Variants in OCA2 observed in about 807,000 individuals in gnomAD.
OCA2 encodes OCA2 melanosomal transmembrane protein, also known as P protein.
In OCA2, 77 loss-of-function variants were observed where a neutral mutation model predicts 100.2. The ratio of observed to expected loss-of-function variants is 0.77; its 90% CI spans 0.64 to 0.93. OCA2 has a LOEUF of 0.93. Among genes scored for constraint, OCA2 ranks in the 40% least tolerant of loss-of-function variants. OCA2 has a pLI of 0.00. For synonymous variants in OCA2, 432 were observed against 439.2 expected, an observed-to-expected ratio of 0.98 and a Z score of 0.21; for missense variants, 1,062 against 1,089.1, an observed-to-expected ratio of 0.98 and a Z score of 0.35.
chr15:27,857,613 T>C (rs1426960754), intron 21 of OCA2, among the ~76,000 whole-genome samples: 1 of 151,450 alleles, frequency 6.6e-6, no homozygotes, highest in East Asian at 1.9e-4. Context: ...ATTTAAAATG[T>C]CAAAAAAAGA....
At chr15:27,745,632 T>A in the OCA2 span, among the ~76,000 whole-genome samples, 5 of 152,238 alleles carry the variant, frequency 3.3e-5, no homozygotes, top group Non-Finnish European at 7.3e-5. Flanking sequence ...TGCTTTCTCT[T>A]GTGGGGGGAA....
intron 23 of OCA2, among the ~76,000 whole-genome samples, chr15:27,826,960 G>A (rs1023726440): frequency 6.6e-6 from 1 of 152,174 alleles, no homozygotes; most frequent in African/African-American, 2.4e-5. Context: ...TCCTCACTGG[G>A]CAGCTTCCTG....
chr15:28,018,269 C>T (rs928716084), intron 7 of OCA2, 128 bp downstream of exon 7: 30 of 815,230 alleles, frequency 3.7e-5, no homozygotes, highest in Non-Finnish European at 5.4e-5. Context: ...ATAAGAAGAG[C>T]CAATGAATTG....
intron 19 of OCA2, among the ~76,000 whole-genome samples, chr15:27,913,843 G>GA (rs2038507363): frequency 7.9e-5 from 2 of 25,158 alleles, no homozygotes; most frequent in Admixed American, 1.1e-3. Flanking sequence ...AGAAAGGAAA[G>GA]AAAGAAAGAA....
At chr15:27,871,322 C>T in intron 20 of OCA2, 64 bp from the exon 21 acceptor site, 1 of 1,269,062 alleles carries the variant, frequency 7.9e-7, no homozygotes, top group Non-Finnish European at 1.1e-6. Context: ...GACCCACCAG[C>T]CGCGAGACTC....
intron 2 of OCA2, among the ~76,000 whole-genome samples, chr15:28,041,578 A>G (rs2043202234): frequency 6.6e-6 from 1 of 152,240 alleles, no homozygotes; most frequent in African/African-American, 2.4e-5. Flanking sequence ...AGGAAGAAGT[A>G]AAATTATCTC....
At chr15:27,929,042 T>C (rs2039149785) in intron 18 of OCA2, among the ~76,000 whole-genome samples, 1 of 152,232 alleles carries the variant, frequency 6.6e-6, no homozygotes, top group Non-Finnish European at 1.5e-5. Flanking sequence ...GCTTCTGATC[T>C]ATAAACACAA....
chr15:27,918,849 C>A (rs2038762594), intron 19 of OCA2, among the ~76,000 whole-genome samples: 1 of 152,106 alleles, frequency 6.6e-6, no homozygotes, highest in Non-Finnish European at 1.5e-5. Context: ...TGCAGCATAA[C>A]AACGAATAGA....
At chr15:27,719,416 A>G in the OCA2 span, among the ~76,000 whole-genome samples, 4 of 152,238 alleles carry the variant, frequency 2.6e-5, no homozygotes, top group South Asian at 2.1e-4. Flanking sequence ...CTAGCTCCAG[A>G]TACCTAAATG....
At position 28,032,113 on chromosome 15, in the gene OCA2, C is replaced by T. The variant is rs750120991; in HGVS notation, c.278G>A (p.Cys93Tyr). The T allele has an allele frequency of 1.2e-6, 2 of 1,614,072 alleles. No individual in the cohort carries two copies. Among genetic ancestry groups the T allele is most frequent in the Admixed American group, 3.3e-5 (2 of 60,012 alleles). Residue 93 changes from cysteine (C) to tyrosine (Y), a missense_variant, in exon 3 of 24, where the codon TGC (cysteine) becomes TAC (tyrosine). Physicochemically the swap from Cys to Tyr is radical, Grantham distance 194. Coordinates refer to ENST00000354638, the MANE Select transcript of OCA2 (RefSeq NM_000275.3). ...CAGCAAAGGAGTGTTTTCTGTAAAG[C>T]AGGAATCTTTAGACCTGGAGCTGGA... The part of the protein sequence containing the change: ...QMSSSRSKDS[C>Y]FTENTPLLRN...
At chr15:28,008,153 C>T (rs1440113433) in intron 9 of OCA2, among the ~76,000 whole-genome samples, 2 of 152,236 alleles carry the variant, frequency 1.3e-5, no homozygotes, top group African/African-American at 4.8e-5. Flanking sequence ...GGAGCGCCCA[C>T]GACAAAGCAT....
At chr15:27,761,574 A>C (rs1419328935) in intron 23 of OCA2, among the ~76,000 whole-genome samples, 4 of 152,200 alleles carry the variant, frequency 2.6e-5, no homozygotes, top group Non-Finnish European at 5.9e-5. Context: ...TTCTAGGTTT[A>C]ATGCAATTCC....
intron 9 of OCA2, among the ~76,000 whole-genome samples, chr15:28,011,977 C>CA (rs756171011): frequency 0.027 from 3,381 of 125,296 alleles, 120 homozygotes; most frequent in African/African-American, 0.087. Flanking sequence ...GCTTTGTCTC[C>CA]AAAAAAAAAA....
At chr15:27,799,393 G>A (rs1309573219) in intron 23 of OCA2, among the ~76,000 whole-genome samples, 1 of 152,148 alleles carries the variant, frequency 6.6e-6, no homozygotes, top group Non-Finnish European at 1.5e-5. Flanking sequence ...AGAAAAATAG[G>A]GAGGAAAGGA....
chr15:28,018,568 G>A lies in OCA2; in HGVS notation c.647-11C>T. ...TGCTAAGGTTCACGGCTCGGAGAGT[G>A]TCAAGGAGAACCACAAGGCAGACAG... On this transcript the variant is annotated splice_polypyrimidine_tract_variant and intron_variant, in intron 6 of 23. Coordinates refer to ENST00000354638, the MANE Select transcript of OCA2 (RefSeq NM_000275.3). 1 of 1,611,080 alleles carries A rather than the reference G, an allele frequency of 6.2e-7. No individual in the cohort carries two copies. Among genetic ancestry groups the A allele is most frequent in the Non-Finnish European group, 8.5e-7 (1 of 1,179,302 alleles).
At chr15:27,968,299 G>C (rs1431201692) in intron 14 of OCA2, among the ~76,000 whole-genome samples, 1 of 152,044 alleles carries the variant, frequency 6.6e-6, no homozygotes, top group Admixed American at 6.5e-5. Context: ...TGAATCACAG[G>C]TGCCACAAAG....
chr15:28,075,415 G>C (rs2044399688), intron 2 of OCA2, among the ~76,000 whole-genome samples: 1 of 152,162 alleles, frequency 6.6e-6, no homozygotes, highest in South Asian at 2.1e-4. Context: ...TAAAAGTACA[G>C]TCAATATTAA....
Position 27,831,284 on chromosome 15 carries a change from CAAAA to C in OCA2, c.2432+13671_2432+13674del, listed in dbSNP as rs71132824. On this transcript the variant is annotated intron_variant, in intron 23 of 23. Transcript: ENST00000354638. ...CTGGTGACAGAGCGAGACTCCGTCT[CAAAA>C]AAAAAAAAAAAAAAAAAATCGGTCT... 1.9e-4 allele frequency among the ~76,000 whole-genome samples: 12 copies of C among 62,630 alleles called. No homozygotes were observed. In the South Asian group the frequency reaches 3.2e-3, roughly 17 times the overall value. 41.1% of individuals were successfully genotyped at this position (62,630 alleles called of 152,430 possible). A position where few individuals can be genotyped will look rare whatever the true frequency, so the allele number is the denominator to read the frequency against.
In OCA2 at chr15:27,913,867, GAA is replaced by G. The variant is rs376929824; in HGVS notation, c.2079+12258_2079+12259del. Reference sequence around the variant, plus strand: ...AGAAAGAAAGAAAGAAAGAAAGAAAGAAAGAAAGAAAGAAAGAAAGAAAGAAA... The same window carrying G: ...AGAAAGAAAGAAAGAAAGAAAGAAAGAGAAAGAAAGAAAGAAAGAAAGAAA... On this transcript the variant is annotated intron_variant, in intron 19 of 23. Coordinates refer to ENST00000354638, the MANE Select transcript of OCA2 (RefSeq NM_000275.3). Among the ~76,000 whole-genome samples, 68 of 47,346 alleles carry G rather than the reference GAA, an allele frequency of 1.4e-3. 1 individual carries two copies. Among genetic ancestry groups the G allele is most frequent in the African/African-American group, 6.3e-3 (61 of 9,726 alleles). The allele number at this position is 47,346 out of a possible 152,430, so 31.1% of individuals were successfully genotyped here.
Sources: allele counts gnomAD v4.1 joint callset (sites outside exome capture counted in the v4.1 genomes callset), GRCh38; gene constraint gnomAD v4.1.1; transcripts MANE v1.5; gene names NCBI Gene and HGNC (gene_info 2026-07-23, HGNC 2026-07-21).